PXN: variants seen among roughly 807,000 people sequenced by gnomAD.
PXN encodes paxillin, also known as testicular tissue protein Li 134.
In PXN, 61 loss-of-function variants were observed where a neutral mutation model predicts 103.6. The ratio of observed to expected loss-of-function variants is 0.59; its 90% confidence interval spans 0.48 to 0.73. The LOEUF (loss-of-function observed/expected upper bound fraction) is 0.73, where lower values mean the gene tolerates loss of function less well. Among genes scored for constraint, PXN ranks in the 30% least tolerant of loss-of-function variants. The pLI is 0.00. For synonymous variants in PXN, 562 were observed against 607.8 expected (o/e 0.92, Z 1.11); for missense variants, 1,274 against 1,460.3 (o/e 0.87, Z 2.08).
intron 1 of PXN, among the ~76,000 whole-genome samples, chr12:120,252,097 T>C (rs1892286692): frequency 6.6e-6 from 1 of 152,120 alleles, no homozygotes; most frequent in Non-Finnish European, 1.5e-5. Context: ...GAGGCTGGGT[T>C]CTATGCCACC....
At position 120,219,702 on chromosome 12, in the gene PXN, C is replaced by G. The variant is rs530896338; in HGVS notation, c.1221G>C (p.Gly407=). 1 of 1,594,314 alleles carries G rather than the reference C, an allele frequency of 6.3e-7. No homozygotes were observed. Among genetic ancestry groups the G allele is most frequent in the Non-Finnish European group, 8.5e-7 (1 of 1,178,022 alleles). Residue 407 remains glycine, a synonymous_variant, in exon 7 of 15, where the codon GGG becomes GGC. Transcript: ENST00000637617. The surrounding 1 kb of genome is among the most constrained non-coding windows in gnomAD (Gnocchi z 6.5). ...CCCCAGGCTCTTGGAGAGCTGTGCTCCCAGCACAGGGTACAGTGTGGCAGC... is the reference window on the plus strand; with the variant it reads ...CCCCAGGCTCTTGGAGAGCTGTGCTGCCAGCACAGGGTACAGTGTGGCAGC... ...APRCHTVPCA[G]STALQEPGEP... is the part of the protein sequence containing the mutation.
chr12:120,247,848 G>A (rs1398709825), intron 1 of PXN: 1 of 152,168 alleles, frequency 6.6e-6, no homozygotes, highest in African/African-American at 2.4e-5. Flanking sequence ...AAAAAAGAAA[G>A]AAAGTTGAAG....
Position 120,214,080 on chromosome 12 carries a change from C to T in PXN, c.2830+56G>A. On this transcript the variant is annotated intron_variant, in intron 13 of 14. Coordinates refer to ENST00000637617, the MANE Select transcript of PXN (RefSeq NM_001385981.1). This position sits in a 1 kb window ranked among gnomAD's most constrained non-coding sequence, Gnocchi z 5.0. ...CCAACCTCAGCAGCGTCTCCCACCCCCACCTCCCCGGCCCTCCTAAGAGGC... is the reference window on the plus strand; with the variant it reads ...CCAACCTCAGCAGCGTCTCCCACCCTCACCTCCCCGGCCCTCCTAAGAGGC... 2 of 1,562,650 alleles carry T rather than the reference C, an allele frequency of 1.3e-6. No homozygotes were observed. The highest frequency in any genetic ancestry group is 3.8e-5 in the Admixed American group (2 of 52,076).
At position 120,212,290 on chromosome 12, in the gene PXN, G is replaced by C. The variant is rs761152303; in HGVS notation, c.*24C>G. 5 of 1,603,514 alleles carry C rather than the reference G, an allele frequency of 3.1e-6. No individual in the cohort carries two copies. Among genetic ancestry groups the C allele is most frequent in the East Asian group, 4.5e-5 (2 of 44,716 alleles). On this transcript the variant is annotated 3_prime_UTR_variant, in exon 15 of 15. Coordinates refer to ENST00000637617, the MANE Select transcript of PXN (RefSeq NM_001385981.1). This position sits in a 1 kb window ranked among gnomAD's most constrained non-coding sequence, Gnocchi z 7.2. ...AGTTGGGGATGCTGGCTGGGGAAGG[G>C]GGGCAGAGACAGGGGCAGGGCACCT...
Position 120,224,477 on chromosome 12 carries a change from T to G in PXN, c.14-100A>C, listed in dbSNP as rs1225648313. The G allele has an allele frequency of 1.1e-6, 1 of 870,972 alleles. No homozygotes were observed. The highest frequency in any genetic ancestry group is 2.0e-6 in the Non-Finnish European group (1 of 510,864). 54.0% of individuals were successfully genotyped at this position (870,972 alleles called of 1,614,324 possible). On this transcript the variant is annotated intron_variant, in intron 1 of 14. Coordinates refer to ENST00000637617, the MANE Select transcript of PXN (RefSeq NM_001385981.1). This position sits in a 1 kb window ranked among gnomAD's most constrained non-coding sequence, Gnocchi z 5.0. ...CTGCACCTCAAGAGTTAATGCCTTC[T>G]AGCACCTGCCCCACCCATGGGAGAA... is the stretch of plus-strand genomic sequence containing the variant.
intron 7 of PXN, among the ~76,000 whole-genome samples, chr12:120,218,040 G>A (rs1883823636): frequency 6.7e-6 from 1 of 149,170 alleles, no homozygotes; most frequent in African/African-American, 2.5e-5. Flanking sequence ...AAAGCTTGGG[G>A]GATTTTTTTT....
chr12:120,226,008 C>T (rs1349454112), intron 1 of PXN: 5 of 1,061,434 alleles, frequency 4.7e-6, no homozygotes, highest in Non-Finnish European at 5.8e-6. Context: ...GTCCTACAGC[C>T]CGCCCCGCCC....
rs916286851 is a variant in PXN, at chr12:120,217,596, G to C, written c.1717-480C>G. Among the ~76,000 whole-genome samples the C allele has an allele frequency of 1.3e-5, 2 of 151,274 alleles. No homozygotes were observed. Among genetic ancestry groups the C allele is most frequent in the African/African-American group, 4.9e-5 (2 of 41,084 alleles). ...TTCCTTCCAGGAACTTTTTTTTGGG[G>C]GGGGACAGAGTCTCGCTCTGTCGCC... On this transcript the variant is annotated intron_variant, in intron 7 of 14. Transcript: ENST00000637617. This position sits in a 1 kb window ranked among gnomAD's most constrained non-coding sequence, Gnocchi z 4.1.
intron 1 of PXN, among the ~76,000 whole-genome samples, chr12:120,238,812 G>C (rs1889608019): frequency 6.6e-6 from 1 of 152,206 alleles, no homozygotes; most frequent in Non-Finnish European, 1.5e-5. Context: ...CTTGCCATGA[G>C]GTGCTAGGGT....
intron 1 of PXN, among the ~76,000 whole-genome samples, chr12:120,233,048 T>C (rs1336172410): frequency 1.3e-5 from 2 of 152,148 alleles, no homozygotes; most frequent in Non-Finnish European, 2.9e-5. Flanking sequence ...TGCCTCCCTT[T>C]CCTTTCATCA....
chr12:120,260,299 C>T (rs571420517), intron 1 of PXN, among the ~76,000 whole-genome samples: 5 of 152,220 alleles, frequency 3.3e-5, no homozygotes, highest in African/African-American at 7.2e-5. Flanking sequence ...CACCTGAAGT[C>T]GGGAGTTCGA....
intron 1 of PXN, among the ~76,000 whole-genome samples, chr12:120,244,114 A>G (rs1890631787): frequency 6.6e-6 from 1 of 150,536 alleles, no homozygotes; most frequent in South Asian, 2.1e-4. Context: ...ACACAGGAGC[A>G]CAGGGCCCAA....
chr12:120,223,306 T>C (rs1031206835), intron 3 of PXN, among the ~76,000 whole-genome samples: 2 of 151,796 alleles, frequency 1.3e-5, no homozygotes, highest in African/African-American at 2.4e-5. Context: ...TGGTGGTGGG[T>C]GCCTGTAGTC....
chr12:120,233,472 T>C (rs1888449348), intron 1 of PXN, among the ~76,000 whole-genome samples: 1 of 152,052 alleles, frequency 6.6e-6, no homozygotes, highest in African/African-American at 2.4e-5. Flanking sequence ...CCTGGCTAAT[T>C]TTTGTATTTT....
rs763487491 is a variant in PXN, at chr12:120,224,162, T to A, written c.229A>T (p.Ile77Phe). The change falls in exon 2 of 15, where the codon ATC (isoleucine) becomes TTC (phenylalanine). Residue 77 changes from isoleucine to phenylalanine, a missense_variant. Physicochemically the swap from Ile to Phe is conservative, Grantham distance 21. Around this residue, in one of 2 missense-constraint regions of PXN, gnomAD observed 1,178 missense variants for 1,309.0 expected, o/e 0.90. Transcript: ENST00000637617. The surrounding 1 kb of genome is among the most constrained non-coding windows in gnomAD (Gnocchi z 5.0). The part of the protein sequence containing the change: ...DQWQPSSSRF[I>F]HQQPQSSSPV... ...TGTCCCCGCCTCACCTGCTGGTGGATGAATCGGGAGCTGCTGGGCTGCCAC... is the reference window on the plus strand; with the variant it reads ...TGTCCCCGCCTCACCTGCTGGTGGAAGAATCGGGAGCTGCTGGGCTGCCAC... The A allele has an allele frequency of 6.3e-7, 1 of 1,580,302 alleles. No homozygotes were observed. The highest frequency in any genetic ancestry group is 1.1e-5 in the South Asian group (1 of 87,172).
intron 1 of PXN, among the ~76,000 whole-genome samples, chr12:120,242,930 A>G (rs952854174): frequency 1.1e-4 from 16 of 151,998 alleles, no homozygotes; most frequent in African/African-American, 3.9e-4. Context: ...AGATGCCCCA[A>G]AGGCCAGCCC....
At position 120,220,038 on chromosome 12, in the gene PXN, C is replaced by T. The variant is rs77248196; in HGVS notation, c.885G>A (p.Pro295=). 397 of 1,495,468 alleles carry T rather than the reference C, an allele frequency of 2.7e-4. 1 individual carries two copies. In the African/African-American group the frequency reaches 4.5e-3, roughly 17 times the overall value. The allele number at this position is 1,495,468 out of a possible 1,614,324, so 92.6% of individuals were successfully genotyped here. A position where few individuals can be genotyped will look rare whatever the true frequency, so the allele number is the denominator to read the frequency against. ...LSAPGLSSSA[P]SSYCSLPPSP... The stretch of plus-strand genomic sequence containing the variant: ...AAGGAGGAAGGGAGCAGTATGAGGA[C>T]GGAGCAGAGCTGGACAGCCCCGGGG... The change falls in exon 7 of 15, where the codon CCG becomes CCA. Residue 295 remains proline, a synonymous_variant. Coordinates refer to ENST00000637617, the MANE Select transcript of PXN (RefSeq NM_001385981.1). This position sits in a 1 kb window ranked among gnomAD's most constrained non-coding sequence, Gnocchi z 6.1.
In PXN at chr12:120,213,515, C is replaced by T. The variant is rs529111830; in HGVS notation, c.2979+327G>A. Among the ~76,000 whole-genome samples, 2 of 152,396 alleles carry T rather than the reference C, an allele frequency of 1.3e-5. No individual in the cohort carries two copies. The highest frequency in any genetic ancestry group is 3.9e-4 in the East Asian group (2 of 5,188). On this transcript the variant is annotated intron_variant, in intron 14 of 14. Coordinates refer to ENST00000637617, the MANE Select transcript of PXN (RefSeq NM_001385981.1). The surrounding 1 kb of genome is among the most constrained non-coding windows in gnomAD (Gnocchi z 4.2). ...CCCCAGAATGCAGTGGTTTTGGAAA[C>T]CACTGCCCATTTCTGTTGAGTCTGC... is the stretch of plus-strand genomic sequence containing the variant.
Position 120,221,603 on chromosome 12 carries a change from A to G in PXN, c.831+20T>C. ...AGGGAGGGGCGGCAGGGCAGGGAAG[A>G]TGGAGGGTTCACAGGGCACCTTGAA... On this transcript the variant is annotated intron_variant, in intron 6 of 14. Transcript: ENST00000637617. This position sits in a 1 kb window ranked among gnomAD's most constrained non-coding sequence, Gnocchi z 6.6. 6.4e-7 allele frequency: 1 copy of G among 1,555,208 alleles called. No individual in the cohort carries two copies. The highest frequency in any genetic ancestry group is 1.2e-5 in the South Asian group (1 of 84,174).
Sources: gnomAD v4.1 joint callset for allele counts (sites outside exome capture counted in the v4.1 genomes callset) on GRCh38, gnomAD v4.1.1 for gene constraint, gnomAD v4.1.1 regional missense constraint, Gnocchi (gnomAD v3.1) non-coding constraint, MANE v1.5 for transcripts, NCBI Gene and HGNC (gene_info 2026-07-23, HGNC 2026-07-21) for gene names.